Variants in TUSC3 observed in about 807,000 individuals in gnomAD.
The protein encoded by TUSC3 is dolichyl-diphosphooligosaccharide--protein glycosyltransferase subunit TUSC3.
In TUSC3, 45 loss-of-function variants were observed where a neutral mutation model predicts 44.8. The ratio of observed to expected loss-of-function variants is 1.00; its 90% CI spans 0.79 to 1.29. TUSC3 has a LOEUF of 1.29. Ranked by LOEUF, TUSC3 falls within the 50% of genes most tolerant of loss-of-function variation. The pLI is 0.00. For synonymous variants in TUSC3, 212 were observed against 152.9 expected (o/e 1.39, Z -2.85); for missense variants, 519 against 437.9 (o/e 1.19, Z -1.65).
intron 2 of TUSC3, among the ~76,000 whole-genome samples, chr8:15,499,864 C>T (rs747430640): frequency 6.6e-6 from 1 of 152,138 alleles, no homozygotes; most frequent in Admixed American, 6.6e-5. Flanking sequence ...GCCAAATCCT[C>T]ATTTTACATA....
chr8:15,652,472 G>A (rs945918951), intron 3 of TUSC3, among the ~76,000 whole-genome samples: 3 of 152,008 alleles, frequency 2.0e-5, no homozygotes, highest in African/African-American at 7.2e-5. Flanking sequence ...TCAGCAAATA[G>A]TTTTGCTCCT....
At position 15,646,234 on chromosome 8, in the gene TUSC3, T is replaced by C. The variant is rs146575070; in HGVS notation, c.309-4463T>C. On this transcript the variant is annotated intron_variant, in intron 2 of 10. Coordinates refer to ENST00000503731, the MANE Select transcript of TUSC3 (RefSeq NM_006765.4). ...AGGACATTCTAAGTGAAGTATTTCA[T>C]GCACGTGGTTAAGAATGGACATAGT... Among the ~76,000 whole-genome samples, 492 of 152,268 alleles carry C rather than the reference T, an allele frequency of 3.2e-3. 3 individuals carry two copies. The highest frequency in any genetic ancestry group is 0.011 in the African/African-American group (474 of 41,582).
chr8:15,730,818 G>C, intron 7 of TUSC3, 89 bp downstream of exon 7: 1 of 1,272,808 alleles, frequency 7.9e-7, no homozygotes, highest in East Asian at 2.4e-5. Context: ...TAAATATCAA[G>C]ACTTTTAAGA....
At chr8:15,782,265 G>A in the TUSC3 span, among the ~76,000 whole-genome samples, 6 of 152,206 alleles carry the variant, frequency 3.9e-5, no homozygotes, top group Non-Finnish European at 8.8e-5. Context: ...TTGAGGCTGG[G>A]AGTTCAAGAC....
At chr8:15,443,147 T>C (rs995914504) in intron 1 of TUSC3, among the ~76,000 whole-genome samples, 1 of 151,908 alleles carries the variant, frequency 6.6e-6, no homozygotes, top group African/African-American at 2.4e-5. Context: ...ATTTTTTTCT[T>C]TTTTCTTCCT....
At chr8:15,642,831 C>CT (rs35440712) in intron 2 of TUSC3, among the ~76,000 whole-genome samples, 30,142 of 152,086 alleles carry the variant, frequency 0.2, 3,834 homozygotes, top group Non-Finnish European at 0.29. Flanking sequence ...ATTGAAGTAT[C>CT]TTGAGGCAGT....
chr8:15,815,093 G>A, the TUSC3 span, among the ~76,000 whole-genome samples: 1 of 152,124 alleles, frequency 6.6e-6, no homozygotes, highest in Non-Finnish European at 1.5e-5. Context: ...TGAGATATAA[G>A]TAATGAGACA....
At chr8:15,456,843 A>G (rs990544) in intron 1 of TUSC3, among the ~76,000 whole-genome samples, 97,235 of 151,970 alleles carry the variant, frequency 0.64, 33,616 homozygotes, top group Non-Finnish European at 0.76. Context: ...TTTGTTGTAT[A>G]TAGTTCAGAT....
chr8:15,657,650 C>T (rs531149625), intron 3 of TUSC3, among the ~76,000 whole-genome samples: 2 of 152,276 alleles, frequency 1.3e-5, no homozygotes, highest in Non-Finnish European at 1.5e-5. Context: ...CTCAGTGCTC[C>T]GTTTATGGCA....
chr8:15,547,858 C>A (rs1240225197), intron 1 of TUSC3, among the ~76,000 whole-genome samples: 1 of 151,678 alleles, frequency 6.6e-6, no homozygotes, highest in Non-Finnish European at 1.5e-5. Flanking sequence ...TTATTTTTCA[C>A]TTTCAAATAT....
At chr8:15,780,824 G>C in the TUSC3 span, among the ~76,000 whole-genome samples, 1 of 152,160 alleles carries the variant, frequency 6.6e-6, no homozygotes, top group African/African-American at 2.4e-5. Context: ...CTAGCTCTAG[G>C]AGCAGGGGAA....
intron 1 of TUSC3, among the ~76,000 whole-genome samples, chr8:15,618,866 G>A: frequency 6.6e-6 from 1 of 152,280 alleles, no homozygotes; most frequent in East Asian, 1.9e-4. Context: ...CTGCCCTTCA[G>A]TATTAGGCGG....
the TUSC3 span, among the ~76,000 whole-genome samples, chr8:15,838,392 T>G: frequency 6.6e-6 from 1 of 152,174 alleles, no homozygotes; most frequent in African/African-American, 2.4e-5. Context: ...ATAACTATAA[T>G]GCCAGGATAG....
rs535078815 is a variant in TUSC3, at chr8:15,766,337, A to G, written c.*2181A>G. On this transcript the variant is annotated 3_prime_UTR_variant, in exon 11 of 11. Transcript: ENST00000503731. ...ACATATAGTTTGCTTGCAGAATGTA[A>G]CGTGCAAAATCACATACATGCGATG... is the stretch of plus-strand genomic sequence containing the variant. 1 of 152,138 alleles carries G rather than the reference A, an allele frequency of 6.6e-6. No homozygotes were observed. Among genetic ancestry groups the G allele is most frequent in the Non-Finnish European group, 1.5e-5 (1 of 67,988 alleles). The allele number at this position is 152,138 out of a possible 1,614,324, so 9.4% of individuals were successfully genotyped here.
chr8:15,767,588 C>T (rs1159503936), downstream of TUSC3, among the ~76,000 whole-genome samples: 2 of 152,056 alleles, frequency 1.3e-5, no homozygotes, highest in Admixed American at 1.3e-4. Flanking sequence ...CTTAATTCAC[C>T]CTCTTTCCTC....
At chr8:15,629,553 G>GTTT (rs71211066) in intron 2 of TUSC3, among the ~76,000 whole-genome samples, 28 of 129,044 alleles carry the variant, frequency 2.2e-4, no homozygotes, top group South Asian at 5.0e-4. Flanking sequence ...CGGCCATCTT[G>GTTT]TTTTTTTTTT....
chr8:15,769,230 T>A (rs541803739), downstream of TUSC3, among the ~76,000 whole-genome samples: 2 of 152,018 alleles, frequency 1.3e-5, no homozygotes, highest in Non-Finnish European at 2.9e-5. Flanking sequence ...AAAACAGATA[T>A]ATAGACCAAT....
At chr8:15,627,882 G>C (rs1018264696) in intron 2 of TUSC3, among the ~76,000 whole-genome samples, 2 of 152,224 alleles carry the variant, frequency 1.3e-5, no homozygotes, top group African/African-American at 4.8e-5. Flanking sequence ...GGTAGCGGGA[G>C]CTGAGTGGAG....
the TUSC3 span, among the ~76,000 whole-genome samples, chr8:15,813,540 A>C: frequency 6.6e-6 from 1 of 152,162 alleles, no homozygotes; most frequent in African/African-American, 2.4e-5. Context: ...GATGACAGCA[A>C]TGGGAAGATA....
Sources: gnomAD v4.1 joint callset for allele counts (sites outside exome capture counted in the v4.1 genomes callset) on GRCh38, gnomAD v4.1.1 for gene constraint, MANE v1.5 for transcripts, NCBI Gene and HGNC (gene_info 2026-07-23, HGNC 2026-07-21) for gene names.